Variants in CDH23 observed in about 807,000 individuals in gnomAD.
CDH23 encodes cadherin related 23.
In CDH23, 189 loss-of-function variants were observed where a neutral mutation model predicts 317.1. That is an observed-to-expected ratio of 0.60 (90% confidence interval 0.53 to 0.67). The LOEUF is 0.67. CDH23 is among the 30% of genes least tolerant of loss of function. The pLI is 0.00. For missense variants in CDH23, 4,401 were observed against 4,592.4 expected, an observed-to-expected ratio of 0.96 and a Z score of 1.20; for synonymous variants, 1,839 against 1,876.8, an observed-to-expected ratio of 0.98 and a Z score of 0.52.
intron 14 of CDH23, among the ~76,000 whole-genome samples, chr10:71,657,743 C>A (rs1863478410): frequency 6.6e-6 from 1 of 151,562 alleles, no homozygotes; most frequent in African/African-American, 2.4e-5. Flanking sequence ...CCTCCTGACA[C>A]CCCCACCATT....
At chr10:71,498,350 G>A (rs61851643) in intron 3 of CDH23, among the ~76,000 whole-genome samples, 8 of 152,244 alleles carry the variant, frequency 5.3e-5, no homozygotes, top group South Asian at 2.1e-4. Flanking sequence ...TGGAATGCTC[G>A]TCCTGAGGGT....
chr10:71,529,043 A>G (rs940608305), intron 6 of CDH23, among the ~76,000 whole-genome samples: 1 of 151,268 alleles, frequency 6.6e-6, no homozygotes, highest in Non-Finnish European at 1.5e-5. Context: ...CCCATGTTCT[A>G]CTCCACCTCT....
intron 28 of CDH23, chr10:71,717,970 G>A (rs1267491243): frequency 6.6e-6 from 1 of 152,210 alleles, no homozygotes; most frequent in African/African-American, 2.4e-5. Flanking sequence ...ATAAGCAGAG[G>A]ACGTCCAGCT....
At chr10:71,484,252 A>G (rs1399462344) in intron 3 of CDH23, among the ~76,000 whole-genome samples, 2 of 152,214 alleles carry the variant, frequency 1.3e-5, no homozygotes, top group East Asian at 3.8e-4. Flanking sequence ...ATCAACAAGC[A>G]ATTTGCCGTG....
chr10:71,521,965 G>A (rs1854716925), intron 6 of CDH23, among the ~76,000 whole-genome samples: 1 of 152,162 alleles, frequency 6.6e-6, no homozygotes. Flanking sequence ...GCTCAACCCT[G>A]AGTCTTGGGC....
intron 8 of CDH23, among the ~76,000 whole-genome samples, chr10:71,572,762 G>T (rs1023208522): frequency 3.3e-5 from 5 of 152,198 alleles, no homozygotes; most frequent in Non-Finnish European, 1.5e-5. Flanking sequence ...TCTCTATGCT[G>T]TGTAATTTTC....
chr10:71,788,757 A>AT (rs1457250693), intron 44 of CDH23, among the ~76,000 whole-genome samples, 183 bp from the exon 45 acceptor site: 1 of 152,078 alleles, frequency 6.6e-6, no homozygotes, highest in Admixed American at 6.6e-5. Context: ...ACCCGGCCAC[A>AT]TTTTTTCATG....
chr10:71,678,914 G>C (rs1405135080), intron 16 of CDH23, among the ~76,000 whole-genome samples: 2 of 152,262 alleles, frequency 1.3e-5, no homozygotes, highest in Middle Eastern at 6.8e-3. Context: ...TGAAGCTGAC[G>C]GTCTAAGTGA....
chr10:71,678,967 G>A (rs1589324219), intron 16 of CDH23, among the ~76,000 whole-genome samples: 1 of 152,258 alleles, frequency 6.6e-6, no homozygotes, highest in East Asian at 1.9e-4. Flanking sequence ...GGGTGTAAGG[G>A]GACCAATGGG....
chr10:71,804,343 G>A (rs929576472), intron 55 of CDH23, among the ~76,000 whole-genome samples: 8 of 152,132 alleles, frequency 5.3e-5, no homozygotes, highest in Non-Finnish European at 7.4e-5. Context: ...TCCACTTCTC[G>A]GTCTAAATTG....
In CDH23 at chr10:71,784,919, T is replaced by C. The variant is rs1227505748; in HGVS notation, c.5531T>C (p.Ile1844Thr). The C allele has an allele frequency of 6.2e-7, 1 of 1,614,000 alleles. No individual in the cohort carries two copies. The highest frequency in any genetic ancestry group is 1.7e-5 in the Admixed American group (1 of 60,008). Residue 1844 changes from isoleucine (I) to threonine (T), a missense_variant, in exon 43 of 70, where the codon ATC (isoleucine) becomes ACC (threonine). Ile to Thr is a moderately conservative substitution (Grantham distance 89). Transcript: ENST00000224721. ...TMLVGIRVLD[I>T]NDNDPVLLNL... ...CTGGTGGGGATCCGGGTGCTGGACA[T>C]CAACGACAACGACCCTGTGCTGCTG...
At chr10:71,549,984 C>T (rs569469632) in intron 6 of CDH23, among the ~76,000 whole-genome samples, 1 of 152,264 alleles carries the variant, frequency 6.6e-6, no homozygotes, top group Admixed American at 6.5e-5. Flanking sequence ...CTAGCTATCC[C>T]TGCCTCCGCC....
Position 71,732,342 on chromosome 10 carries a change from G to A in CDH23, c.4071G>A (p.Gln1357=). 1 of 1,580,554 alleles carries A rather than the reference G, an allele frequency of 6.3e-7. No individual in the cohort carries two copies. Among genetic ancestry groups the A allele is most frequent in the Non-Finnish European group, 8.6e-7 (1 of 1,162,892 alleles). ...GCTTCAACGCCTACACCAGCACCCA[G>A]GCCAAAGCCCTCTTCAAGATAGACG... ...TYRFNAYTST[Q]AKALFKIDAI... is the part of the protein sequence containing the mutation. The change falls in exon 32 of 70, where the codon CAG becomes CAA. Residue 1357 remains glutamine, a synonymous_variant. Transcript: ENST00000224721.
intron 38 of CDH23, chr10:71,760,735 G>T: frequency 1.3e-6 from 1 of 786,752 alleles, no homozygotes. Flanking sequence ...ATGTGCAGCA[G>T]CAGAAAAGGA....
Position 71,509,536 on chromosome 10 carries a change from C to T in CDH23, c.146-546C>T, listed in dbSNP as rs143879466. ...TCTTGTGTGGTGCCAAAGATGGCTG[C>T]CCGCAGTGCCAATGAGCAACTCCCA... On this transcript the variant is annotated intron_variant, in intron 3 of 69. Transcript: ENST00000224721. 2.8e-3 allele frequency among the ~76,000 whole-genome samples: 421 copies of T among 152,250 alleles called. 1 individual carries two copies. The highest frequency in any genetic ancestry group is 9.7e-3 in the African/African-American group (403 of 41,534).
Position 71,751,075 on chromosome 10 carries a change from C to A in CDH23, c.4845+9154C>A. 1 of 730,916 alleles carries A rather than the reference C, an allele frequency of 1.4e-6. No homozygotes were observed. 45.3% of individuals were successfully genotyped at this position (730,916 alleles called of 1,614,324 possible). ...AACAGGGGCTGAGCCGTCCAGCATC[C>A]CCATGTAGCATCCAGAGGGGTTGAG... On this transcript the variant is annotated intron_variant, in intron 38 of 69. Transcript: ENST00000224721. This position sits in a 1 kb window ranked among gnomAD's most constrained non-coding sequence, Gnocchi z 4.9.
chr10:71,460,431 C>T (rs1412058432), intron 3 of CDH23, among the ~76,000 whole-genome samples: 3 of 152,236 alleles, frequency 2.0e-5, no homozygotes, highest in South Asian at 4.1e-4. Context: ...GGCGGGAACC[C>T]GCACACTTGC....
intron 52 of CDH23, among the ~76,000 whole-genome samples, chr10:71,800,001 G>A (rs1841513440): frequency 6.6e-6 from 1 of 152,242 alleles, no homozygotes; most frequent in Non-Finnish European, 1.5e-5. Context: ...CAGTGTCTGA[G>A]CACCTACTGT....
intron 14 of CDH23, among the ~76,000 whole-genome samples, chr10:71,650,419 T>C (rs1863111351): frequency 6.6e-6 from 1 of 152,170 alleles, no homozygotes. Context: ...TATGTGTATA[T>C]GTGCGCAGGC....
Sources: allele counts gnomAD v4.1 joint callset (sites outside exome capture counted in the v4.1 genomes callset), GRCh38; gene constraint gnomAD v4.1.1; non-coding constraint Gnocchi (gnomAD v3.1); transcripts MANE v1.5; gene names NCBI Gene and HGNC (gene_info 2026-07-23, HGNC 2026-07-21).